The following CSMD1 variants were observed in gnomAD, a reference collection of about 807,000 sequenced individuals.
CSMD1 encodes CUB and sushi domain-containing protein 1.
In CSMD1, 213 loss-of-function variants were observed where a neutral mutation model predicts 417.5. The observed-to-expected ratio is 0.51, with a 90% confidence interval of 0.46 to 0.57. The LOEUF is 0.57. CSMD1 is among the 20% of genes least tolerant of loss of function. The probability of loss-of-function intolerance (pLI) is 0.00; values close to 1 mark genes in which losing one functional copy is unlikely to be tolerated. For missense variants in CSMD1, 6,923 were observed against 4,529.7 expected (o/e 1.53, Z -15.17); for synonymous variants, 2,862 against 1,736.8 (o/e 1.65, Z -16.11).
At chr8:4,854,685 C>A (rs886896641) in intron 1 of CSMD1, among the ~76,000 whole-genome samples, 3 of 152,252 alleles carry the variant, frequency 2.0e-5, no homozygotes, top group African/African-American at 7.2e-5. Context: ...CACTCCCACC[C>A]GAATACTGCC....
chr8:4,175,239 C>G (rs1254496034), intron 3 of CSMD1, among the ~76,000 whole-genome samples: 1 of 152,084 alleles, frequency 6.6e-6, no homozygotes, highest in African/African-American at 2.4e-5. Context: ...ACAATGTCAA[C>G]CAATTAAATG....
At chr8:4,372,758 G>T (rs1258531820) in intron 3 of CSMD1, among the ~76,000 whole-genome samples, 6 of 148,998 alleles carry the variant, frequency 4.0e-5, no homozygotes, top group Non-Finnish European at 8.9e-5. Context: ...AAAAAAAAAA[G>T]TAGCATTGGA....
chr8:2,961,174 G>C lies in CSMD1; in HGVS notation c.9669C>G (p.His3223Gln). 1.2e-6 allele frequency: 2 copies of C among 1,603,448 alleles called. No homozygotes were observed. Among genetic ancestry groups the C allele is most frequent in the African/African-American group, 1.3e-5 (1 of 74,852 alleles). The change falls in exon 62 of 70, where the codon CAC becomes CAG. Residue 3223 changes from histidine to glutamine, a missense_variant. Transcript: ENST00000635120. ...CTCTGGAGCTATTCTGTATTCCAAAGTGTGGCGTACCAGGGTCTGGGCAGG... is the reference window on the plus strand; with the variant it reads ...CTCTGGAGCTATTCTGTATTCCAAACTGTGGCGTACCAGGGTCTGGGCAGG... ...HNTCPDPGTP[H>Q]FGIQNSSRGY...
intron 3 of CSMD1, among the ~76,000 whole-genome samples, chr8:4,304,564 G>A (rs1388536322): frequency 2.0e-5 from 3 of 152,128 alleles, no homozygotes; most frequent in Non-Finnish European, 4.4e-5. Context: ...CAATTGGGAT[G>A]TGTTTAAAAT....
At chr8:3,211,090 G>A (rs1004997342) in intron 30 of CSMD1, among the ~76,000 whole-genome samples, 1 of 152,108 alleles carries the variant, frequency 6.6e-6, no homozygotes, top group Admixed American at 6.6e-5. Context: ...TGTTGCCCAG[G>A]CTGGAGTGCA....
At chr8:3,835,817 G>A (rs972455104) in intron 5 of CSMD1, among the ~76,000 whole-genome samples, 4 of 151,526 alleles carry the variant, frequency 2.6e-5, no homozygotes, top group Admixed American at 2.0e-4. Context: ...TAATTTTTCA[G>A]TCTAGGAGTT....
intron 3 of CSMD1, among the ~76,000 whole-genome samples, chr8:4,151,222 T>A (rs1796555349): frequency 6.6e-6 from 1 of 152,168 alleles, no homozygotes; most frequent in South Asian, 2.1e-4. Flanking sequence ...TAATATCAAG[T>A]ATAAATACGG....
chr8:4,494,656 G>C (rs1801890044), intron 2 of CSMD1, among the ~76,000 whole-genome samples: 1 of 151,690 alleles, frequency 6.6e-6, no homozygotes, highest in Non-Finnish European at 1.5e-5. Context: ...TTGTTACTTG[G>C]CATCTTCATC....
At chr8:4,008,676 T>A (rs959647617) in intron 4 of CSMD1, among the ~76,000 whole-genome samples, 1 of 140,818 alleles carries the variant, frequency 7.1e-6, no homozygotes, top group Non-Finnish European at 1.5e-5. Context: ...AGTGGTGCGA[T>A]CTCAGGTAAC....
At chr8:4,282,504 C>T (rs991392096) in intron 3 of CSMD1, among the ~76,000 whole-genome samples, 2 of 152,152 alleles carry the variant, frequency 1.3e-5, no homozygotes, top group South Asian at 4.1e-4. Context: ...CGTTATCTCC[C>T]TCTAAGCTTT....
chr8:4,120,879 A>G (rs527568683), intron 3 of CSMD1, among the ~76,000 whole-genome samples: 1 of 152,278 alleles, frequency 6.6e-6, no homozygotes, highest in South Asian at 2.1e-4. Flanking sequence ...TTTCTGTTTT[A>G]TTGTTTATAC....
Position 4,818,319 on chromosome 8 carries a change from A to T in CSMD1, c.85+176013T>A, listed in dbSNP as rs187747013. ...CGATGAAATTGACCAAAGCTAGATT[A>T]CAAAAGTATAAATTTGAGCATTGCC... On this transcript the variant is annotated intron_variant, in intron 1 of 69. Transcript: ENST00000635120. Among the ~76,000 whole-genome samples the T allele has an allele frequency of 1.0e-3, 158 of 152,334 alleles. 2 individuals are homozygous for T. The highest frequency in any genetic ancestry group is 3.7e-3 in the African/African-American group (154 of 41,584).
At chr8:4,244,281 G>A (rs918565506) in intron 3 of CSMD1, among the ~76,000 whole-genome samples, 2 of 152,126 alleles carry the variant, frequency 1.3e-5, no homozygotes, top group African/African-American at 4.8e-5. Flanking sequence ...AGGCCCCCGG[G>A]TCTTCGGGAA....
At chr8:4,247,825 T>C (rs1325313471) in intron 3 of CSMD1, among the ~76,000 whole-genome samples, 1 of 152,220 alleles carries the variant, frequency 6.6e-6, no homozygotes, top group South Asian at 2.1e-4. Flanking sequence ...TAAGTTCACT[T>C]TGTGACATTA....
At chr8:3,188,062 ATG>A (rs1382838105) in intron 35 of CSMD1, 97 bp from the exon 36 acceptor site, 1 of 532,420 alleles carries the variant, frequency 1.9e-6, no homozygotes, top group Non-Finnish European at 3.3e-6. Context: ...TAAGGTGTAT[ATG>A]TATATATATA....
rs1353868618 is a variant in CSMD1, at chr8:3,984,731, ATATATATATATATATATATATT to A, written c.818+13150_818+13171del. On this transcript the variant is annotated intron_variant, in intron 5 of 69. Coordinates refer to ENST00000635120, the MANE Select transcript of CSMD1 (RefSeq NM_033225.6). Reference sequence around the variant, plus strand: ...TATATATATATATATATATATATATATATATATATATATATATATATTTGTATGTATTTGTGCGTGTGTGTGT... The same window carrying A: ...TATATATATATATATATATATATATATGTATGTATTTGTGCGTGTGTGTGT... 1.1e-3 allele frequency among the ~76,000 whole-genome samples: 101 copies of A among 90,138 alleles called. 3 individuals are homozygous for A. Among genetic ancestry groups the A allele is most frequent in the African/African-American group, 3.1e-3 (66 of 21,492 alleles). The allele number at this position is 90,138 out of a possible 152,430, so 59.1% of individuals were successfully genotyped here.
At chr8:4,731,105 T>C (rs1294161901) in intron 1 of CSMD1, among the ~76,000 whole-genome samples, 3 of 152,194 alleles carry the variant, frequency 2.0e-5, no homozygotes, top group African/African-American at 7.2e-5. Context: ...TAACCTGCTT[T>C]TGATTTGCCC....
chr8:4,885,555 C>A (rs76025579), intron 1 of CSMD1, among the ~76,000 whole-genome samples: 3 of 151,910 alleles, frequency 2.0e-5, no homozygotes, highest in Admixed American at 6.6e-5. Flanking sequence ...TGGATTTTGT[C>A]AAATGCTTTT....
At chr8:3,752,697 A>AG (rs1202009930) in intron 6 of CSMD1, among the ~76,000 whole-genome samples, 12 of 114,988 alleles carry the variant, frequency 1.0e-4, no homozygotes, top group African/African-American at 1.8e-4. Context: ...AAAAAAAAAA[A>AG]AAAAAAACAT....
Sources: allele counts gnomAD v4.1 joint callset (sites outside exome capture counted in the v4.1 genomes callset), GRCh38; gene constraint gnomAD v4.1.1; transcripts MANE v1.5; gene names NCBI Gene and HGNC (gene_info 2026-07-23, HGNC 2026-07-21).